Variants in PPA2 observed in about 807,000 individuals in gnomAD.
PPA2 encodes inorganic pyrophosphatase 2, mitochondrial.
PPA2 carries 48 observed loss-of-function variants against 49.5 expected under a neutral mutation model. That is an observed-to-expected ratio of 0.97 (90% CI 0.77 to 1.23). PPA2 has a LOEUF of 1.23. PPA2 is among the 50% of genes most tolerant of loss of function. PPA2 has a pLI of 0.00. For missense variants in PPA2, 429 were observed against 410.1 expected (o/e 1.05, Z -0.40); for synonymous variants, 131 against 139.9 (o/e 0.94, Z 0.45).
At chr4:105,473,613 G>T in intron 1 of PPA2, 1 of 666,512 alleles carries the variant, frequency 1.5e-6, no homozygotes, top group Admixed American at 1.8e-5. Flanking sequence ...CCCTCGGGGA[G>T]GGCGGCTGGC....
chr4:105,370,452 CTA>C (rs111922877), intron 11 of PPA2: 31,760 of 271,334 alleles, frequency 0.12, 1,869 homozygotes, highest in Non-Finnish European at 0.13. Flanking sequence ...AATTCTATAA[CTA>C]TAGATTTTAA....
At chr4:105,411,718 A>G (rs780980191) in intron 7 of PPA2, among the ~76,000 whole-genome samples, 1 of 152,252 alleles carries the variant, frequency 6.6e-6, no homozygotes, top group Non-Finnish European at 1.5e-5. Flanking sequence ...AATCTCCTTA[A>G]GCTGACAAGC....
At chr4:105,460,777 G>A (rs568339854) in intron 1 of PPA2, among the ~76,000 whole-genome samples, 29 of 151,574 alleles carry the variant, frequency 1.9e-4, no homozygotes, top group African/African-American at 6.8e-4. Context: ...CTAGGACACT[G>A]ATTTGGTGTT....
chr4:105,400,263 G>A (rs186030268), intron 7 of PPA2, among the ~76,000 whole-genome samples: 147 of 151,594 alleles, frequency 9.7e-4, no homozygotes, highest in Middle Eastern at 6.8e-3. Flanking sequence ...TTCCTTGAAC[G>A]AACGGTTTTC....
At chr4:105,388,756 T>C (rs1419637393) in intron 9 of PPA2, among the ~76,000 whole-genome samples, 5 of 142,780 alleles carry the variant, frequency 3.5e-5, no homozygotes, top group African/African-American at 1.3e-4. Flanking sequence ...ACCTGGGTGG[T>C]GGAGGTTGCA....
At chr4:105,414,125 T>TA (rs1304236681) in intron 7 of PPA2, among the ~76,000 whole-genome samples, 2 of 151,972 alleles carry the variant, frequency 1.3e-5, no homozygotes, top group Non-Finnish European at 2.9e-5. Flanking sequence ...AGCAGAAAAA[T>TA]AAAGAATTAA....
chr4:105,473,783 C>A, intron 1 of PPA2, 111 bp downstream of exon 1: 13 of 1,456,556 alleles, frequency 8.9e-6, no homozygotes, highest in South Asian at 1.2e-5. Context: ...CCGCTGAGGG[C>A]CCCAAAAAGA....
At chr4:105,447,051 TG>T (rs1234216437) in intron 4 of PPA2, among the ~76,000 whole-genome samples, 1 of 152,126 alleles carries the variant, frequency 6.6e-6, no homozygotes, top group Non-Finnish European at 1.5e-5. Context: ...GAAGTGAAAC[TG>T]TCACTGTTTG....
At chr4:105,462,787 G>GT (rs1560643833) in intron 1 of PPA2, among the ~76,000 whole-genome samples, 1 of 152,156 alleles carries the variant, frequency 6.6e-6, no homozygotes, top group Non-Finnish European at 1.5e-5. Context: ...TCTCATGATA[G>GT]TAAGTCTCAC....
At chr4:105,394,195 C>T (rs893207054) in intron 9 of PPA2, among the ~76,000 whole-genome samples, 2 of 151,664 alleles carry the variant, frequency 1.3e-5, no homozygotes, top group African/African-American at 2.4e-5. Context: ...GGTAAAACTC[C>T]GTCTCTACTA....
chr4:105,385,771 C>A (rs1560606420), intron 10 of PPA2, among the ~76,000 whole-genome samples: 1 of 151,688 alleles, frequency 6.6e-6, no homozygotes, highest in Non-Finnish European at 1.5e-5. Context: ...TCTCAGCTTA[C>A]AGAAGGAAAG....
rs1045423602 is a variant in PPA2 at position 105,446,830 on chromosome 4, G to T, written c.322-328C>A. Among the ~76,000 whole-genome samples, 55 of 151,980 alleles carry T rather than the reference G, an allele frequency of 3.6e-4. 1 individual carries two copies. The highest frequency in any genetic ancestry group is 1.0e-4 in the Non-Finnish European group (7 of 67,944). On this transcript the variant is annotated intron_variant, in intron 4 of 11. Coordinates refer to ENST00000341695, the MANE Select transcript of PPA2 (RefSeq NM_176869.3). ...ACTTGCCTTTTGTTACTAATCTCAG[G>T]CTTTATTATCATCAATATTATGATA...
chr4:105,397,297 G>A (rs868075235), intron 8 of PPA2, among the ~76,000 whole-genome samples: 7 of 152,278 alleles, frequency 4.6e-5, no homozygotes, highest in Middle Eastern at 3.4e-3. Flanking sequence ...ACGATTGCCT[G>A]CGATGGAGGA....
intron 7 of PPA2, chr4:105,405,169 G>C: frequency 1.6e-6 from 1 of 640,876 alleles, no homozygotes; most frequent in South Asian, 7.1e-5. Flanking sequence ...CATTAATATT[G>C]ACAGTTATTT....
intron 5 of PPA2, among the ~76,000 whole-genome samples, chr4:105,445,027 C>A (rs1443083752): frequency 6.6e-6 from 1 of 152,162 alleles, no homozygotes; most frequent in Admixed American, 6.6e-5. Flanking sequence ...ATCTCACTCC[C>A]AAACCCACAT....
At chr4:105,453,789 C>T in intron 2 of PPA2, 147 bp from the exon 3 acceptor site, 1 of 512,796 alleles carries the variant, frequency 2.0e-6, no homozygotes, top group South Asian at 4.1e-5. Flanking sequence ...ACCAAATGCC[C>T]ACTTCGTTCT....
At chr4:105,408,336 G>GA (rs904661517) in intron 7 of PPA2, among the ~76,000 whole-genome samples, 15 of 151,748 alleles carry the variant, frequency 9.9e-5, no homozygotes, top group Middle Eastern at 3.4e-3. Context: ...GCATGGCTAG[G>GA]AAAAAAAAGC....
intron 10 of PPA2, among the ~76,000 whole-genome samples, chr4:105,383,649 C>T (rs1321193378): frequency 6.6e-6 from 1 of 152,112 alleles, no homozygotes; most frequent in Non-Finnish European, 1.5e-5. Context: ...ATATGCATCT[C>T]GAAAGTGAAA....
At chr4:105,408,826 G>A (rs1370531295) in intron 7 of PPA2, among the ~76,000 whole-genome samples, 2 of 152,116 alleles carry the variant, frequency 1.3e-5, no homozygotes, top group African/African-American at 4.8e-5. Context: ...CTGAATAAAT[G>A]GGAAACATAT....
Sources: allele counts gnomAD v4.1 joint callset (sites outside exome capture counted in the v4.1 genomes callset), GRCh38; gene constraint gnomAD v4.1.1; transcripts MANE v1.5; gene names NCBI Gene and HGNC (gene_info 2026-07-23, HGNC 2026-07-21).